LRMDA: variants seen among roughly 807,000 people sequenced by gnomAD.
The protein encoded by LRMDA is leucine-rich melanocyte differentiation-associated protein.
A neutral mutation model predicts 29.8 loss-of-function variants in LRMDA; 18 were observed. The ratio of observed to expected loss-of-function variants is 0.60; its 90% CI spans 0.42 to 0.90. The LOEUF (loss-of-function observed/expected upper bound fraction) is 0.90. Among genes scored for constraint, LRMDA ranks in the 40% least tolerant of loss-of-function variants. The pLI is 0.00. For missense variants in LRMDA, 273 were observed against 273.9 expected (o/e 1.00, Z 0.02); for synonymous variants, 125 against 109.4 (o/e 1.14, Z -0.89).
intron 2 of LRMDA, among the ~76,000 whole-genome samples, chr10:75,582,766 T>C (rs1447056289): frequency 6.6e-6 from 1 of 152,264 alleles, no homozygotes; most frequent in Non-Finnish European, 1.5e-5. Context: ...TTCTGAACTT[T>C]TATGCTCTGC....
chr10:75,563,149 C>T (rs945493213), intron 2 of LRMDA, among the ~76,000 whole-genome samples: 21 of 152,170 alleles, frequency 1.4e-4, no homozygotes, highest in Admixed American at 2.6e-4. Context: ...CCATTCTCCC[C>T]GTCACTTTCA....
At chr10:76,350,736 G>A (rs1215710398) in intron 6 of LRMDA, among the ~76,000 whole-genome samples, 1 of 152,142 alleles carries the variant, frequency 6.6e-6, no homozygotes, top group East Asian at 1.9e-4. Context: ...GTCATCTGGG[G>A]TTGCAGGAAC....
intron 5 of LRMDA, among the ~76,000 whole-genome samples, chr10:76,154,272 T>G (rs954737154): frequency 3.3e-5 from 5 of 152,166 alleles, no homozygotes; most frequent in Admixed American, 1.3e-4. Context: ...GGTAGACACA[T>G]GTGTTTGACA....
At chr10:75,563,347 C>A (rs1335639661) in intron 2 of LRMDA, among the ~76,000 whole-genome samples, 2 of 152,136 alleles carry the variant, frequency 1.3e-5, no homozygotes, top group Non-Finnish European at 2.9e-5. Flanking sequence ...CTGCATTCTT[C>A]ACGTAGTTCT....
At chr10:75,898,582 T>G (rs1040383964) in intron 2 of LRMDA, among the ~76,000 whole-genome samples, 1 of 151,740 alleles carries the variant, frequency 6.6e-6, no homozygotes, top group Non-Finnish European at 1.5e-5. Context: ...TAGCTTCTAC[T>G]GGACCCTGGG....
intron 2 of LRMDA, among the ~76,000 whole-genome samples, chr10:76,029,474 T>C (rs1848114573): frequency 6.6e-6 from 1 of 152,154 alleles, no homozygotes; most frequent in Admixed American, 6.6e-5. Context: ...AAAGATAACA[T>C]GATCAGATAC....
At chr10:75,978,899 C>T (rs183504978) in intron 2 of LRMDA, among the ~76,000 whole-genome samples, 59 of 152,120 alleles carry the variant, frequency 3.9e-4, no homozygotes, top group Admixed American at 3.0e-3. Context: ...AAGTAAATGC[C>T]GGCATATAGA....
intron 2 of LRMDA, among the ~76,000 whole-genome samples, chr10:75,705,744 C>G (rs1291072946): frequency 2.0e-5 from 3 of 152,200 alleles, no homozygotes; most frequent in Admixed American, 1.3e-4. Context: ...ATCCTTTCCC[C>G]TCATCCCACA....
intron 2 of LRMDA, among the ~76,000 whole-genome samples, chr10:75,585,307 A>G (rs1840643481): frequency 6.6e-6 from 1 of 152,268 alleles, no homozygotes; most frequent in Admixed American, 6.5e-5. Context: ...TGTTGGATTT[A>G]TCCATGTTAA....
rs567967820 is a variant in LRMDA, at chr10:76,489,821, T to C, written c.602-67388T>C. Among the ~76,000 whole-genome samples, 251 of 150,210 alleles carry C rather than the reference T, an allele frequency of 1.7e-3. 1 individual carries two copies. Among genetic ancestry groups the C allele is most frequent in the African/African-American group, 5.6e-3 (227 of 40,360 alleles). On this transcript the variant is annotated intron_variant, in intron 6 of 6. Coordinates refer to ENST00000611255, the MANE Select transcript of LRMDA (RefSeq NM_001305581.2). ...ACTCATGTAAACAAACACTATCTGT[T>C]CCCCAATTATATGTATATATATAGC...
At chr10:76,137,901 T>C (rs1361395694) in intron 5 of LRMDA, among the ~76,000 whole-genome samples, 2 of 152,006 alleles carry the variant, frequency 1.3e-5, no homozygotes, top group East Asian at 3.9e-4. Context: ...TCCCAGGGGT[T>C]GGCTGGGGGG....
chr10:76,106,875 T>A (rs1470598050), intron 5 of LRMDA, among the ~76,000 whole-genome samples: 1 of 152,154 alleles, frequency 6.6e-6, no homozygotes, highest in East Asian at 1.9e-4. Context: ...GTGCTAGCAA[T>A]AGCAGAGTCC....
At chr10:75,536,155 T>C (rs992561372) in intron 2 of LRMDA, among the ~76,000 whole-genome samples, 2 of 152,110 alleles carry the variant, frequency 1.3e-5, no homozygotes, top group Admixed American at 6.5e-5. Context: ...TGCTCTGTAT[T>C]GCCTTCTTTT....
intron 6 of LRMDA, among the ~76,000 whole-genome samples, chr10:76,325,476 C>T (rs1004942957): frequency 1.3e-5 from 2 of 152,176 alleles, no homozygotes; most frequent in African/African-American, 4.8e-5. Flanking sequence ...TAAGCAGCTG[C>T]CAACCTGCTA....
At chr10:76,189,356 C>CA (rs35310747) in intron 5 of LRMDA, among the ~76,000 whole-genome samples, 58 of 142,758 alleles carry the variant, frequency 4.1e-4, no homozygotes, top group East Asian at 6.2e-4. Flanking sequence ...GATTCTGTCT[C>CA]AAAAAAAAAA....
chr10:75,896,698 G>A lies in LRMDA; in HGVS notation c.132-139310G>A, dbSNP rs151223746. Among the ~76,000 whole-genome samples, 29 of 152,256 alleles carry A rather than the reference G, an allele frequency of 1.9e-4. No individual in the cohort carries two copies. The East Asian group carries it at 4.2e-3, about 22-fold the overall frequency. On this transcript the variant is annotated intron_variant, in intron 2 of 6. Transcript: ENST00000611255. ...ACAGCACATAGGTTACAGGAATTTC[G>A]CTGGGCTGTGAATTTCTGACATCAG...
At chr10:75,912,950 C>T (rs567639521) in intron 2 of LRMDA, among the ~76,000 whole-genome samples, 17 of 152,060 alleles carry the variant, frequency 1.1e-4, no homozygotes, top group East Asian at 5.8e-4. Context: ...AATGAATAGA[C>T]GGTAGTTAAG....
chr10:76,272,087 C>T (rs1017852263), intron 5 of LRMDA, among the ~76,000 whole-genome samples: 2 of 152,194 alleles, frequency 1.3e-5, no homozygotes, highest in Admixed American at 6.5e-5. Flanking sequence ...TTCCATGGTA[C>T]TTCTCCTGGA....
chr10:75,445,760 A>T (rs1267067346), intron 2 of LRMDA, among the ~76,000 whole-genome samples: 1 of 152,256 alleles, frequency 6.6e-6, no homozygotes, highest in Non-Finnish European at 1.5e-5. Context: ...CAGAGCTCCC[A>T]TGGCAAACAG....
Sources: allele counts gnomAD v4.1 joint callset (sites outside exome capture counted in the v4.1 genomes callset), GRCh38; gene constraint gnomAD v4.1.1; transcripts MANE v1.5; gene names NCBI Gene and HGNC (gene_info 2026-07-23, HGNC 2026-07-21).